NUBPL: variants seen among roughly 807,000 people sequenced by gnomAD.
NUBPL encodes NUBP iron-sulfur cluster assembly factor, mitochondrial, also known as iron-sulfur cluster transfer protein NUBPL.
NUBPL carries 31 observed loss-of-function variants against 45.7 expected under a neutral mutation model. The observed-to-expected ratio is 0.68, with a 90% confidence interval of 0.51 to 0.92. NUBPL has a LOEUF of 0.92. NUBPL is among the 40% of genes least tolerant of loss of function. The pLI, the probability that NUBPL is intolerant of heterozygous loss-of-function variation, is 0.00. For synonymous variants in NUBPL, 144 were observed against 140.9 expected (o/e 1.02, Z -0.15); for missense variants, 401 against 398.7 (o/e 1.01, Z -0.05).
intron 7 of NUBPL, among the ~76,000 whole-genome samples, chr14:31,819,778 A>G (rs1313196018): frequency 6.6e-6 from 1 of 152,216 alleles, no homozygotes; most frequent in Non-Finnish European, 1.5e-5. Context: ...AAAGGATTAT[A>G]AGTTGTGAAT....
At position 31,789,555 on chromosome 14, in the gene NUBPL, G is replaced by A. The variant is rs138047250; in HGVS notation, c.607+1682G>A. 8.9e-3 allele frequency among the ~76,000 whole-genome samples: 1,355 copies of A among 152,126 alleles called. 23 individuals carry two copies. Among genetic ancestry groups the A allele is most frequent in the African/African-American group, 0.031 (1,277 of 41,540 alleles). On this transcript the variant is annotated intron_variant, in intron 7 of 10. Coordinates refer to ENST00000281081, the MANE Select transcript of NUBPL (RefSeq NM_025152.3). ...TACCCTTTATTTTGAATCTGTTTCT[G>A]AAGATTTTCCTAGATTCCACTAAAG...
At chr14:31,723,394 C>CT (rs1256342300) in intron 6 of NUBPL, among the ~76,000 whole-genome samples, 2 of 152,126 alleles carry the variant, frequency 1.3e-5, no homozygotes, top group East Asian at 3.9e-4. Flanking sequence ...TGGATTTGTT[C>CT]TTTTTGCTTA....
intron 6 of NUBPL, among the ~76,000 whole-genome samples, chr14:31,775,947 T>A (rs1021987570): frequency 2.0e-5 from 3 of 152,190 alleles, no homozygotes; most frequent in Non-Finnish European, 4.4e-5. Context: ...ACAGCCAGGT[T>A]ATGGTCAGGA....
intron 7 of NUBPL, among the ~76,000 whole-genome samples, chr14:31,792,132 ATG>A (rs1315221344): frequency 6.6e-6 from 1 of 152,208 alleles, no homozygotes; most frequent in African/African-American, 2.4e-5. Flanking sequence ...AACTGGCCTA[ATG>A]TAAAACCCAA....
intron 6 of NUBPL, among the ~76,000 whole-genome samples, chr14:31,785,067 G>A (rs2039260477): frequency 6.6e-6 from 1 of 152,114 alleles, no homozygotes; most frequent in Non-Finnish European, 1.5e-5. Context: ...CCTGTCTAAA[G>A]TAGCACCTTC....
chr14:31,594,302 C>A (rs1435141367), intron 3 of NUBPL, among the ~76,000 whole-genome samples: 2 of 152,102 alleles, frequency 1.3e-5, no homozygotes, highest in East Asian at 1.9e-4. Flanking sequence ...TGCCTGTAGT[C>A]CTAGTTACTC....
At chr14:31,583,479 G>A (rs1049761537) in intron 3 of NUBPL, among the ~76,000 whole-genome samples, 2 of 152,174 alleles carry the variant, frequency 1.3e-5, no homozygotes, top group Admixed American at 1.3e-4. Flanking sequence ...TGTGATAAGT[G>A]CCACAAAGAA....
intron 4 of NUBPL, among the ~76,000 whole-genome samples, chr14:31,651,133 G>T (rs1191381064): frequency 1.3e-5 from 2 of 152,040 alleles, no homozygotes; most frequent in Non-Finnish European, 2.9e-5. Context: ...CACGTCTTTG[G>T]ATTTTTTTTT....
At chr14:31,751,194 C>T (rs1346073260) in intron 6 of NUBPL, among the ~76,000 whole-genome samples, 1 of 152,206 alleles carries the variant, frequency 6.6e-6, no homozygotes, top group Admixed American at 6.5e-5. Context: ...CCTGGTCCCT[C>T]CCAAATCTCA....
intron 6 of NUBPL, among the ~76,000 whole-genome samples, chr14:31,689,139 G>A (rs763489283): frequency 8.5e-5 from 13 of 152,256 alleles, no homozygotes; most frequent in Middle Eastern, 3.4e-3. Flanking sequence ...ACAAGTGCAT[G>A]TGTCTTTATG....
intron 7 of NUBPL, among the ~76,000 whole-genome samples, chr14:31,792,493 C>G (rs1194771731): frequency 6.6e-6 from 1 of 152,004 alleles, no homozygotes; most frequent in Admixed American, 6.6e-5. Flanking sequence ...ATTCATATGC[C>G]TTGAACATAT....
intron 4 of NUBPL, among the ~76,000 whole-genome samples, chr14:31,665,457 T>C (rs928891558): frequency 1.1e-4 from 17 of 152,224 alleles, no homozygotes; most frequent in African/African-American, 2.9e-4. Flanking sequence ...AACTGATTTA[T>C]TTCTGTCTTA....
chr14:31,661,474 T>C (rs950390083), intron 4 of NUBPL, among the ~76,000 whole-genome samples: 4 of 152,216 alleles, frequency 2.6e-5, no homozygotes, highest in Non-Finnish European at 5.9e-5. Flanking sequence ...TCATGAGTTG[T>C]TGTGTAGAGT....
chr14:31,740,338 G>A (rs2038256549), intron 6 of NUBPL, among the ~76,000 whole-genome samples: 2 of 152,198 alleles, frequency 1.3e-5, no homozygotes, highest in South Asian at 4.1e-4. Flanking sequence ...TCTGGATTTT[G>A]GTCATTCTGA....
intron 6 of NUBPL, among the ~76,000 whole-genome samples, chr14:31,683,432 C>A (rs112331806): frequency 0.011 from 1,552 of 138,020 alleles, 26 homozygotes; most frequent in African/African-American, 0.04. Flanking sequence ...AATCTAGGCT[C>A]ACTGCAACTT....
chr14:31,606,000 C>T (rs913005567), intron 4 of NUBPL, among the ~76,000 whole-genome samples: 14 of 150,266 alleles, frequency 9.3e-5, no homozygotes, highest in African/African-American at 3.4e-4. Flanking sequence ...CCTCCCTTCT[C>T]CTTCTTCCTT....
At chr14:31,770,510 G>C (rs746182883) in intron 6 of NUBPL, among the ~76,000 whole-genome samples, 10 of 152,126 alleles carry the variant, frequency 6.6e-5, no homozygotes, top group Non-Finnish European at 1.5e-4. Flanking sequence ...TCAATCTTAG[G>C]TTCTACAATA....
At chr14:31,782,388 CTG>C (rs942907277) in intron 6 of NUBPL, among the ~76,000 whole-genome samples, 53 of 152,240 alleles carry the variant, frequency 3.5e-4, no homozygotes, top group African/African-American at 1.3e-3. Flanking sequence ...GAGCAAGACT[CTG>C]TCTCAAACAA....
chr14:31,741,087 G>A (rs1260407256), intron 6 of NUBPL, among the ~76,000 whole-genome samples: 1 of 152,124 alleles, frequency 6.6e-6, no homozygotes, highest in Non-Finnish European at 1.5e-5. Flanking sequence ...GATAATTCCA[G>A]TATTATTGCC....
Sources: allele counts gnomAD v4.1 joint callset (sites outside exome capture counted in the v4.1 genomes callset), GRCh38; gene constraint gnomAD v4.1.1; transcripts MANE v1.5; gene names NCBI Gene and HGNC (gene_info 2026-07-23, HGNC 2026-07-21).